The following FAM193A variants were observed in gnomAD, a reference collection of about 807,000 sequenced individuals.
The protein encoded by FAM193A is protein FAM193A.
A neutral mutation model predicts 126.5 loss-of-function variants in FAM193A; 22 were observed. The ratio of observed to expected loss-of-function variants is 0.17; its 90% confidence interval spans 0.12 to 0.25. The LOEUF is 0.25. Ranked by LOEUF, FAM193A falls within the 10% of genes least tolerant of loss-of-function variation. The pLI, the probability that FAM193A is intolerant of heterozygous loss-of-function variation, is 1.00. For missense variants in FAM193A, 1,675 were observed against 1,672.8 expected (o/e 1.00, Z -0.02); for synonymous variants, 761 against 646.8 (o/e 1.18, Z -2.68).
intron 2 of FAM193A, among the ~76,000 whole-genome samples, chr4:2,597,176 TTC>T (rs1427999350): frequency 6.6e-6 from 1 of 152,126 alleles, no homozygotes; most frequent in Non-Finnish European, 1.5e-5. Context: ...CAGAATTACT[TTC>T]TCACTCGGCC....
At chr4:2,611,633 T>C (rs940567139) in intron 2 of FAM193A, among the ~76,000 whole-genome samples, 1 of 152,100 alleles carries the variant, frequency 6.6e-6, no homozygotes, top group Non-Finnish European at 1.5e-5. Flanking sequence ...TTTCCATTTG[T>C]ATCTCTTTGG....
At chr4:2,581,048 GAACCC>G in intron 1 of FAM193A, among the ~76,000 whole-genome samples, 1 of 151,768 alleles carries the variant, frequency 6.6e-6, no homozygotes, top group Non-Finnish European at 1.5e-5. Flanking sequence ...AGAATGGCGT[GAACCC>G]GGGAGGCGGA....
In FAM193A at chr4:2,671,703, C is replaced by G. The variant is rs1001420300; in HGVS notation, c.2080-418C>G. Among the ~76,000 whole-genome samples, 6 of 152,202 alleles carry G rather than the reference C, an allele frequency of 3.9e-5. No individual in the cohort carries two copies. The South Asian group carries it at 8.3e-4, about 21-fold the overall frequency. On this transcript the variant is annotated intron_variant, in intron 12 of 20. Coordinates refer to ENST00000637812, the MANE Select transcript of FAM193A (RefSeq NM_001366318.2). ...ACTGACCTCTTCACTCCACCGTAAC[C>G]GGAAGTCGCGTCTCTGCTTTGTTTT...
intron 7 of FAM193A, among the ~76,000 whole-genome samples, chr4:2,655,562 C>T (rs774384750): frequency 6.6e-6 from 1 of 152,092 alleles, no homozygotes; most frequent in Non-Finnish European, 1.5e-5. Flanking sequence ...TCTGCAGCCT[C>T]GAACTCCTGG....
intron 2 of FAM193A, chr4:2,615,014 T>A (rs1742098603): frequency 6.6e-6 from 1 of 152,240 alleles, no homozygotes. Flanking sequence ...ATTTAACTGA[T>A]CTTTTCAAAG....
At position 2,561,981 on chromosome 4, in the gene FAM193A, T is replaced by C. The variant is rs139341820; in HGVS notation, c.255+24811T>C. Among the ~76,000 whole-genome samples, 100 of 152,324 alleles carry C rather than the reference T, an allele frequency of 6.6e-4. 2 individuals are homozygous for C. Among genetic ancestry groups the C allele is most frequent in the Middle Eastern group, 3.4e-3 (1 of 294 alleles). On this transcript the variant is annotated intron_variant, in intron 1 of 20. Transcript: ENST00000637812. ...TAGTGCTTAGGTATTATTGGTTTGT[T>C]TGCTAAGTAACTTATCAAAAGGAGT... is the stretch of plus-strand genomic sequence containing the variant.
At chr4:2,720,829 A>T (rs1006927124) in intron 20 of FAM193A, among the ~76,000 whole-genome samples, 2 of 152,202 alleles carry the variant, frequency 1.3e-5, no homozygotes, top group East Asian at 3.8e-4. Context: ...ATTAAAGAAG[A>T]TCTAAATCAC....
intron 13 of FAM193A, among the ~76,000 whole-genome samples, chr4:2,672,736 T>TA (rs576683601): frequency 6.4e-4 from 98 of 152,294 alleles, no homozygotes; most frequent in African/African-American, 2.2e-3. Context: ...ATTTGATAGG[T>TA]AAAATAATGT....
intron 7 of FAM193A, among the ~76,000 whole-genome samples, chr4:2,648,779 G>T (rs1400543266): frequency 6.6e-6 from 1 of 152,266 alleles, no homozygotes; most frequent in Non-Finnish European, 1.5e-5. Context: ...GGGAGCAGGA[G>T]TTGGGGGAAG....
chr4:2,558,554 AT>A (rs1391756021), intron 1 of FAM193A, among the ~76,000 whole-genome samples: 2 of 151,880 alleles, frequency 1.3e-5, no homozygotes, highest in Non-Finnish European at 2.9e-5. Flanking sequence ...GCTAATCAAA[AT>A]TTTTCTGGGG....
chr4:2,539,163 A>G (rs1244344434), intron 1 of FAM193A, among the ~76,000 whole-genome samples: 1 of 152,152 alleles, frequency 6.6e-6, no homozygotes, highest in East Asian at 1.9e-4. Context: ...AAGTCCTGGA[A>G]TTACAGGCGT....
At chr4:2,601,920 C>T (rs959781460) in intron 2 of FAM193A, among the ~76,000 whole-genome samples, 2 of 152,104 alleles carry the variant, frequency 1.3e-5, no homozygotes, top group Non-Finnish European at 2.9e-5. Flanking sequence ...CTCACTGTAA[C>T]CTCCACCTCC....
At chr4:2,706,206 TACAAAA>T (rs1250356474) in intron 19 of FAM193A, among the ~76,000 whole-genome samples, 1 of 151,488 alleles carries the variant, frequency 6.6e-6, no homozygotes, top group Non-Finnish European at 1.5e-5. Context: ...ACCTTGTTTC[TACAAAA>T]ACAAAAATAA....
chr4:2,547,352 T>C (rs979533050), intron 1 of FAM193A, among the ~76,000 whole-genome samples: 2 of 152,044 alleles, frequency 1.3e-5, no homozygotes, highest in Admixed American at 6.6e-5. Flanking sequence ...AAGATCACAC[T>C]ACTGCACTCC....
chr4:2,581,905 G>A (rs567812341), intron 1 of FAM193A, among the ~76,000 whole-genome samples: 3 of 152,052 alleles, frequency 2.0e-5, no homozygotes, highest in Admixed American at 6.5e-5. Flanking sequence ...TGCCTGCCTC[G>A]GCCTCCCAAA....
intron 1 of FAM193A, among the ~76,000 whole-genome samples, chr4:2,565,258 T>TA (rs1738869175): frequency 3.4e-5 from 1 of 29,696 alleles, no homozygotes; most frequent in Non-Finnish European, 7.7e-5. Context: ...AGTAGCCTTT[T>TA]TTTTTTTTTT....
chr4:2,657,997 T>A, intron 8 of FAM193A, 117 bp downstream of exon 8: 1 of 729,960 alleles, frequency 1.4e-6, no homozygotes, highest in Non-Finnish European at 2.4e-6. Context: ...CACATTGGCA[T>A]GTTTTGCCAG....
intron 13 of FAM193A, among the ~76,000 whole-genome samples, chr4:2,680,922 G>A (rs1441629008): frequency 2.0e-5 from 3 of 152,172 alleles, no homozygotes; most frequent in Non-Finnish European, 2.9e-5. Context: ...GATTACAGGC[G>A]TGAGCTACAG....
chr4:2,609,564 A>T (rs902438406), intron 2 of FAM193A, among the ~76,000 whole-genome samples: 1 of 152,248 alleles, frequency 6.6e-6, no homozygotes, highest in Non-Finnish European at 1.5e-5. Context: ...GGGTTCTCCA[A>T]TAGTTATTAT....
Sources: allele counts gnomAD v4.1 joint callset (sites outside exome capture counted in the v4.1 genomes callset), GRCh38; gene constraint gnomAD v4.1.1; transcripts MANE v1.5; gene names NCBI Gene and HGNC (gene_info 2026-07-23, HGNC 2026-07-21).